IL4: variants seen among roughly 807,000 people sequenced by gnomAD.
IL4 encodes the protein interleukin 4.
A neutral mutation model predicts 17.4 loss-of-function variants in IL4; 10 were observed. That is an observed-to-expected ratio of 0.57 (90% confidence interval 0.35 to 0.97). The LOEUF is 0.97. Among genes scored for constraint, IL4 ranks in the 50% least tolerant of loss-of-function variants. The probability of loss-of-function intolerance (pLI) is 0.01; values close to 1 mark genes in which losing one functional copy is unlikely to be tolerated. For missense variants in IL4, 174 were observed against 187.7 expected (o/e 0.93, Z 0.43); for synonymous variants, 87 against 79.0 (o/e 1.10, Z -0.54).
chr5:132,674,550 C>T (rs756854857), intron 2 of IL4, 44 bp downstream of exon 2: 1 of 1,494,444 alleles, frequency 6.7e-7, no homozygotes, highest in Admixed American at 1.7e-5. Flanking sequence ...TGGGGAGATC[C>T]ATCCCCAAAT....
chr5:132,677,202 G>A (rs1263791135), intron 2 of IL4, among the ~76,000 whole-genome samples: 1 of 152,218 alleles, frequency 6.6e-6, no homozygotes, highest in African/African-American at 2.4e-5. Flanking sequence ...GGATTTATAT[G>A]GTCCTCAGTG....
chr5:132,674,078 CCT>C lies in IL4; in HGVS notation c.31_32del (p.Leu11ValfsTer54). 7 of 1,614,208 alleles carry C rather than the reference CCT, an allele frequency of 4.3e-6. No homozygotes were observed. The highest frequency in any genetic ancestry group is 5.9e-6 in the Non-Finnish European group (7 of 1,180,024). On this transcript the variant is annotated frameshift_variant, in exon 1 of 4. Coordinates refer to ENST00000231449, the MANE Select transcript of IL4 (RefSeq NM_000589.4). LOFTEE classifies it high-confidence loss of function. ...GGGTCTCACCTCCCAACTGCTTCCCCCTCTGTTCTTCCTGCTAGCATGTGCCG... is the reference window on the plus strand; with the variant it reads ...GGGTCTCACCTCCCAACTGCTTCCCCCTGTTCTTCCTGCTAGCATGTGCCG... MGLTSQLLP[P>X]LFFLLACAGN...
chr5:132,679,510 G>A (rs879908766), intron 2 of IL4, among the ~76,000 whole-genome samples: 5 of 152,272 alleles, frequency 3.3e-5, no homozygotes, highest in East Asian at 3.9e-4. Flanking sequence ...AGGCTGCTGC[G>A]TTTGCAATTG....
At position 132,682,625 on chromosome 5, in the gene IL4, T is replaced by C; in HGVS notation, c.*38T>C. On this transcript the variant is annotated 3_prime_UTR_variant, in exon 4 of 4. Transcript: ENST00000231449. ...ATGAGTTTTTGATAGCTTTATTTTT[T>C]AAGTATTTATATATTTATAACTCAT... is the stretch of plus-strand genomic sequence containing the variant. 9.8e-7 allele frequency: 1 copy of C among 1,016,362 alleles called. No individual in the cohort carries two copies. The allele number at this position is 1,016,362 out of a possible 1,614,324, so 63.0% of individuals were successfully genotyped here.
chr5:132,679,652 A>G (rs1447986579), intron 2 of IL4, 62 bp from the exon 3 acceptor site: 1 of 1,418,822 alleles, frequency 7.0e-7, no homozygotes, highest in East Asian at 2.3e-5. Context: ...AAGAGGAAAA[A>G]TCTCTCTCCC....
chr5:132,682,163 C>A, intron 3 of IL4, among the ~76,000 whole-genome samples: 1 of 152,104 alleles, frequency 6.6e-6, no homozygotes, highest in Admixed American at 6.5e-5. Flanking sequence ...CAGGTCTGAG[C>A]CAGCATCTTC....
In IL4 at chr5:132,674,080, T is replaced by C; in HGVS notation, c.30T>C (p.Pro10=). 3 of 1,614,144 alleles carry C rather than the reference T, an allele frequency of 1.9e-6. No homozygotes were observed. The highest frequency in any genetic ancestry group is 3.3e-5 in the Admixed American group (2 of 60,022). MGLTSQLLP[P]LFFLLACAGN... ...GTCTCACCTCCCAACTGCTTCCCCC[T>C]CTGTTCTTCCTGCTAGCATGTGCCG... The change falls in exon 1 of 4, where the codon CCT becomes CCC. Residue 10 remains proline, a synonymous_variant. Transcript: ENST00000231449.
At chr5:132,674,538 A>G in intron 2 of IL4, 32 bp downstream of exon 2, 1 of 1,583,878 alleles carries the variant, frequency 6.3e-7, no homozygotes, top group Non-Finnish European at 8.7e-7. Flanking sequence ...TGTTTTAGCA[A>G]ATGGGGAGAT....
intron 3 of IL4, among the ~76,000 whole-genome samples, chr5:132,681,741 G>A (rs1752492395): frequency 6.6e-6 from 1 of 152,116 alleles, no homozygotes; most frequent in South Asian, 2.1e-4. Flanking sequence ...ATATCGAGTG[G>A]AGGAATTAAT....
chr5:132,675,837 G>A (rs1752365654), intron 2 of IL4, among the ~76,000 whole-genome samples: 1 of 149,526 alleles, frequency 6.7e-6, no homozygotes. Context: ...CACTGCACCT[G>A]GGCAACAGTT....
chr5:132,681,403 T>C (rs1170143118), intron 3 of IL4, among the ~76,000 whole-genome samples: 9 of 151,778 alleles, frequency 5.9e-5, no homozygotes. Context: ...ATGGAGGCCA[T>C]GGGTGAGGCT....
intron 3 of IL4, 88 bp from the exon 4 acceptor site, chr5:132,682,398 G>A (rs1752504662): frequency 1.3e-6 from 1 of 777,990 alleles, no homozygotes; most frequent in Non-Finnish European, 2.2e-6. Flanking sequence ...GTGTTCAGGT[G>A]ACAAGTGCCA....
rs2234664 is a variant in IL4 at position 132,675,929 on chromosome 5, ATG to A, written c.183+1449_183+1450del. On this transcript the variant is annotated intron_variant, in intron 2 of 3. Coordinates refer to ENST00000231449, the MANE Select transcript of IL4 (RefSeq NM_000589.4). ...TGTGTATGTATATATGTGTATGTATATGTGTGTGTGTGTGTGTGTGTGTGTGT... is the reference window on the plus strand; with the variant it reads ...TGTGTATGTATATATGTGTATGTATATGTGTGTGTGTGTGTGTGTGTGTGT... Among the ~76,000 whole-genome samples, 477 of 141,042 alleles carry A rather than the reference ATG, an allele frequency of 3.4e-3. 5 individuals carry two copies. The highest frequency in any genetic ancestry group is 0.012 in the African/African-American group (440 of 36,740). The allele number at this position is 141,042 out of a possible 152,430, so 92.5% of individuals were successfully genotyped here.
At chr5:132,675,608 G>C (rs1752361498) in intron 2 of IL4, among the ~76,000 whole-genome samples, 1 of 151,602 alleles carries the variant, frequency 6.6e-6, no homozygotes, top group South Asian at 2.1e-4. Flanking sequence ...GAGTGCAGTG[G>C]TGCGATTTCA....
chr5:132,674,618 G>T, intron 2 of IL4, 112 bp downstream of exon 2: 1 of 806,050 alleles, frequency 1.2e-6, no homozygotes, highest in South Asian at 1.6e-5. Context: ...ACTCTAAGGT[G>T]TTAGATGTTT....
chr5:132,679,124 T>C (rs1160524421), intron 2 of IL4, among the ~76,000 whole-genome samples: 1 of 152,226 alleles, frequency 6.6e-6, no homozygotes, highest in African/African-American at 2.4e-5. Context: ...GCAAAATGTC[T>C]TAGCTCCTCA....
At chr5:132,678,877 G>A (rs1025314629) in intron 2 of IL4, among the ~76,000 whole-genome samples, 2 of 152,210 alleles carry the variant, frequency 1.3e-5, no homozygotes, top group Non-Finnish European at 2.9e-5. Context: ...GGTTCCCAAT[G>A]ACTTGTCTCT....
Position 132,674,200 on chromosome 5 carries a change from G to A in IL4, c.135+15G>A, listed in dbSNP as rs1311962496. The A allele has an allele frequency of 1.2e-6, 2 of 1,612,462 alleles. No homozygotes were observed. The highest frequency in any genetic ancestry group is 1.7e-6 in the Non-Finnish European group (2 of 1,178,588). Reference sequence around the variant, plus strand: ...CAGAGCAGAAGGTGAGTACCTATCTGGCACCATCTCTCCAGATGTTCTGGT... The same window carrying A: ...CAGAGCAGAAGGTGAGTACCTATCTAGCACCATCTCTCCAGATGTTCTGGT... On this transcript the variant is annotated intron_variant, in intron 1 of 3. Transcript: ENST00000231449.
intron 2 of IL4, among the ~76,000 whole-genome samples, chr5:132,676,527 C>T (rs553356601): frequency 1.3e-5 from 2 of 152,198 alleles, no homozygotes; most frequent in Admixed American, 1.3e-4. Context: ...TCCTCACTCA[C>T]CTCCCTCTCA....
Sources: gnomAD v4.1 joint callset for allele counts (sites outside exome capture counted in the v4.1 genomes callset) on GRCh38, gnomAD v4.1.1 for gene constraint, MANE v1.5 for transcripts, NCBI Gene and HGNC (gene_info 2026-07-23, HGNC 2026-07-21) for gene names.